FNDC3B: variants seen among roughly 807,000 people sequenced by gnomAD.
FNDC3B encodes the protein fibronectin type III domain containing 3B, also known as fibronectin type III domain-containing protein 3B.
FNDC3B carries 12 observed loss-of-function variants against 151.5 expected under a neutral mutation model. The ratio of observed to expected loss-of-function variants is 0.08; its 90% CI spans 0.05 to 0.13. The LOEUF is 0.13. Ranked by LOEUF, FNDC3B falls within the 10% of genes least tolerant of loss-of-function variation. The probability of loss-of-function intolerance (pLI) is 1.00; values close to 1 mark genes in which losing one functional copy is unlikely to be tolerated. For missense variants in FNDC3B, 1,214 were observed against 1,505.3 expected, an observed-to-expected ratio of 0.81 and a Z score of 3.20; for synonymous variants, 528 against 549.0, an observed-to-expected ratio of 0.96 and a Z score of 0.54.
chr3:172,239,853 G>GTTTTTTTTT (rs1195281476), intron 4 of FNDC3B, among the ~76,000 whole-genome samples: 34 of 65,872 alleles, frequency 5.2e-4, no homozygotes, highest in African/African-American at 1.8e-3. Flanking sequence ...ATCCATTTTA[G>GTTTTTTTTT]TTCTTTTTTT....
intron 3 of FNDC3B, among the ~76,000 whole-genome samples, chr3:172,190,967 C>A (rs1426745946): frequency 6.6e-6 from 1 of 152,140 alleles, no homozygotes; most frequent in Non-Finnish European, 1.5e-5. Flanking sequence ...CCATGCCCAG[C>A]CCCATTGTGT....
At chr3:172,211,760 G>T (rs1259406321) in intron 3 of FNDC3B, among the ~76,000 whole-genome samples, 1 of 152,184 alleles carries the variant, frequency 6.6e-6, no homozygotes, top group South Asian at 2.1e-4. Context: ...TTAAAAAATG[G>T]AATTTCTCTG....
At chr3:172,192,014 T>C (rs1445743553) in intron 3 of FNDC3B, among the ~76,000 whole-genome samples, 1 of 152,070 alleles carries the variant, frequency 6.6e-6, no homozygotes, top group Admixed American at 6.6e-5. Flanking sequence ...AGACCTATAA[T>C]TTCTCTTAAC....
chr3:172,255,633 TG>T (rs553479158), intron 6 of FNDC3B, among the ~76,000 whole-genome samples: 478 of 152,294 alleles, frequency 3.1e-3, no homozygotes, highest in Admixed American at 5.1e-3. Flanking sequence ...CCTTGACTCC[TG>T]GTCTCCAACT....
At chr3:172,160,615 T>G (rs1722718254) in intron 3 of FNDC3B, among the ~76,000 whole-genome samples, 1 of 152,258 alleles carries the variant, frequency 6.6e-6, no homozygotes, top group African/African-American at 2.4e-5. Flanking sequence ...AATGTCAGTT[T>G]GGGCTAGGGG....
chr3:172,135,233 TTGG>T (rs1431967512), intron 3 of FNDC3B, among the ~76,000 whole-genome samples: 1 of 152,094 alleles, frequency 6.6e-6, no homozygotes. Context: ...AGTTTACTTT[TTGG>T]TGTCTAAGGA....
At chr3:172,094,723 G>GT (rs1167445106) in intron 1 of FNDC3B, among the ~76,000 whole-genome samples, 1 of 151,736 alleles carries the variant, frequency 6.6e-6, no homozygotes, top group Admixed American at 6.6e-5. Flanking sequence ...AATGGTTAGT[G>GT]TTGTAGAATG....
chr3:172,193,032 G>A (rs1279875073), intron 3 of FNDC3B, among the ~76,000 whole-genome samples: 1 of 151,846 alleles, frequency 6.6e-6, no homozygotes, highest in Non-Finnish European at 1.5e-5. Context: ...TTTGTTAATT[G>A]CTTATTTTTG....
At chr3:172,174,944 C>CCCCCCCCCCCG (rs924176605) in intron 3 of FNDC3B, among the ~76,000 whole-genome samples, 18 of 50,738 alleles carry the variant, frequency 3.5e-4, no homozygotes, top group South Asian at 2.3e-3. Context: ...CCCCCCCCCC[C>CCCCCCCCCCCG]CCAATACAAT....
intron 23 of FNDC3B, among the ~76,000 whole-genome samples, chr3:172,372,748 G>C (rs972968653): frequency 6.6e-6 from 1 of 152,142 alleles, no homozygotes; most frequent in African/African-American, 2.4e-5. Flanking sequence ...ATCCCCAAAA[G>C]GTGACCTGTG....
chr3:172,231,495 G>C lies in FNDC3B; in HGVS notation c.264+4548G>C, dbSNP rs182262689. ...AGGGGCAAGGGGAAGACAGTGACAC[G>C]TCCCAGTTATGAATTGGGAAACAAT... On this transcript the variant is annotated intron_variant, in intron 4 of 25. Coordinates refer to ENST00000415807, the MANE Select transcript of FNDC3B (RefSeq NM_022763.4). Among the ~76,000 whole-genome samples the C allele has an allele frequency of 3.3e-5, 5 of 152,294 alleles. No homozygotes were observed. In the East Asian group the frequency reaches 9.6e-4, roughly 29 times the overall value.
intron 4 of FNDC3B, among the ~76,000 whole-genome samples, chr3:172,228,542 G>A (rs921438221): frequency 1.3e-5 from 2 of 152,144 alleles, no homozygotes; most frequent in Non-Finnish European, 2.9e-5. Context: ...ACTAGGAAAA[G>A]TGGAGAATTT....
Position 172,285,916 on chromosome 3 carries a change from C to T in FNDC3B, c.791-10C>T, listed in dbSNP as rs377387521. On this transcript the variant is annotated splice_polypyrimidine_tract_variant and intron_variant, in intron 6 of 25. Transcript: ENST00000415807. ...GTATTGTTTTTCCTTTTTTCTTTTTCGCAATGCAGAATATGAGTTGGAAGT... is the reference window on the plus strand; with the variant it reads ...GTATTGTTTTTCCTTTTTTCTTTTTTGCAATGCAGAATATGAGTTGGAAGT... The T allele has an allele frequency of 1.8e-5, 29 of 1,609,168 alleles. No individual in the cohort carries two copies. Among genetic ancestry groups the T allele is most frequent in the Admixed American group, 3.4e-5 (2 of 59,536 alleles).
intron 3 of FNDC3B, among the ~76,000 whole-genome samples, chr3:172,160,969 G>A (rs1722736622): frequency 6.6e-6 from 1 of 152,170 alleles, no homozygotes; most frequent in Admixed American, 6.5e-5. Flanking sequence ...AAATAAAAGA[G>A]AAACAGCATA....
At chr3:172,140,803 G>C (rs1036965295) in intron 3 of FNDC3B, among the ~76,000 whole-genome samples, 4 of 152,218 alleles carry the variant, frequency 2.6e-5, no homozygotes, top group Non-Finnish European at 1.5e-5. Context: ...CAGGGTATAT[G>C]CTGCTTCCTG....
intron 3 of FNDC3B, among the ~76,000 whole-genome samples, chr3:172,217,531 ATCT>A (rs1355605927): frequency 1.4e-5 from 2 of 145,202 alleles, no homozygotes; most frequent in African/African-American, 5.2e-5. Context: ...GTGTTATAAA[ATCT>A]TCTGTGTGAC....
chr3:172,199,304 CGAGTAGCTGG>C (rs1725009974), intron 3 of FNDC3B, among the ~76,000 whole-genome samples: 1 of 151,826 alleles, frequency 6.6e-6, no homozygotes, highest in Non-Finnish European at 1.5e-5. Context: ...CTCAGCCTCC[CGAGTAGCTGG>C]GACTACAGGC....
At chr3:172,162,031 C>T (rs1392653215) in intron 3 of FNDC3B, among the ~76,000 whole-genome samples, 3 of 150,396 alleles carry the variant, frequency 2.0e-5, no homozygotes, top group African/African-American at 4.9e-5. Context: ...GGCTGGAGGG[C>T]AGTGGTGTGA....
At chr3:172,335,328 A>G (rs1224768502) in intron 15 of FNDC3B, 1 of 359,300 alleles carries the variant, frequency 2.8e-6, no homozygotes, top group Non-Finnish European at 5.0e-6. Context: ...GATGATTTTT[A>G]AGAGTATCTC....
Sources: gnomAD v4.1 joint callset for allele counts (sites outside exome capture counted in the v4.1 genomes callset) on GRCh38, gnomAD v4.1.1 for gene constraint, MANE v1.5 for transcripts, NCBI Gene and HGNC (gene_info 2026-07-23, HGNC 2026-07-21) for gene names.